The following CAB39 variants were observed in gnomAD, a reference collection of about 807,000 sequenced individuals.
CAB39 encodes calcium binding protein 39, also known as calcium-binding protein 39.
A neutral mutation model predicts 40.0 loss-of-function variants in CAB39; 8 were observed. That is an observed-to-expected ratio of 0.20 (90% CI 0.12 to 0.36). The LOEUF (loss-of-function observed/expected upper bound fraction) is 0.36. CAB39 is among the 10% of genes least tolerant of loss of function. CAB39 has a pLI of 1.00. For missense variants in CAB39, 270 were observed against 401.1 expected (o/e 0.67, Z 2.79); for synonymous variants, 156 against 141.6 (o/e 1.10, Z -0.72).
intron 1 of CAB39, among the ~76,000 whole-genome samples, chr2:230,728,134 C>T (rs184318145): frequency 1.1e-4 from 16 of 151,934 alleles, no homozygotes; most frequent in Non-Finnish European, 2.1e-4. Context: ...AGCTACTCGG[C>T]GGCTGAGACA....
chr2:230,716,590 T>A (rs373909162), intron 1 of CAB39, among the ~76,000 whole-genome samples: 1 of 152,242 alleles, frequency 6.6e-6, no homozygotes. Context: ...TTAAAAGAGA[T>A]GGTGTCTCAT....
chr2:230,760,308 C>G (rs542784173), intron 2 of CAB39, among the ~76,000 whole-genome samples, 193 bp downstream of exon 2: 1 of 152,146 alleles, frequency 6.6e-6, no homozygotes, highest in Non-Finnish European at 1.5e-5. Flanking sequence ...TCTAACTGTT[C>G]TGTCAGGTTT....
intron 7 of CAB39, among the ~76,000 whole-genome samples, chr2:230,817,454 C>T (rs1313382787): frequency 2.6e-5 from 4 of 152,242 alleles, no homozygotes; most frequent in Middle Eastern, 3.4e-3. Flanking sequence ...CACAAATGCA[C>T]GCTTAAAGGG....
intron 1 of CAB39, among the ~76,000 whole-genome samples, chr2:230,715,640 T>G (rs1162791774): frequency 6.6e-6 from 1 of 152,222 alleles, no homozygotes; most frequent in Non-Finnish European, 1.5e-5. Context: ...AGGCTGGATA[T>G]AAGCATAGAA....
intron 1 of CAB39, among the ~76,000 whole-genome samples, chr2:230,739,765 A>G (rs1694845330): frequency 6.6e-6 from 1 of 152,230 alleles, no homozygotes; most frequent in Non-Finnish European, 1.5e-5. Context: ...AAGTGCTGGG[A>G]TTACAGGTAT....
At chr2:230,782,813 C>CTTTTT (rs1212977897) in intron 2 of CAB39, among the ~76,000 whole-genome samples, 48 of 81,750 alleles carry the variant, frequency 5.9e-4, no homozygotes, top group African/African-American at 2.3e-3. Context: ...TTCTTTCTTT[C>CTTTTT]TTTTTTTTTT....
intron 1 of CAB39, among the ~76,000 whole-genome samples, chr2:230,720,979 G>T (rs1694440242): frequency 6.6e-6 from 1 of 152,182 alleles, no homozygotes; most frequent in Non-Finnish European, 1.5e-5. Flanking sequence ...ATGTATGTAA[G>T]TTTCGTGTCT....
intron 1 of CAB39, among the ~76,000 whole-genome samples, chr2:230,748,831 A>AAAAAAAAAAATAT (rs1386799920): frequency 3.5e-5 from 1 of 28,512 alleles, no homozygotes; most frequent in African/African-American, 1.3e-4. Flanking sequence ...AAAAAAAAAA[A>AAAAAAAAAAATAT]ATATATATAT....
rs777268279 is a variant in CAB39, at chr2:230,818,704, A to G, written c.1026A>G (p.Ter342=). The G allele has an allele frequency of 5.0e-6, 8 of 1,611,314 alleles. No homozygotes were observed. Among genetic ancestry groups the G allele is most frequent in the Middle Eastern group, 1.6e-4 (1 of 6,076 alleles). The change falls in exon 9 of 9, where the codon TAA becomes TAG. Residue 342 remains the stop codon, a stop_retained_variant. Transcript: ENST00000258418. ...AGAGACCAGCTCAGCAAGAAGCTTAATCTCCAATAAACATCTATGTTAAAT... is the reference window on the plus strand; with the variant it reads ...AGAGACCAGCTCAGCAAGAAGCTTAGTCTCCAATAAACATCTATGTTAAAT... ...DLKRPAQQEA[*]
At chr2:230,789,005 G>A (rs1695845418) in intron 2 of CAB39, among the ~76,000 whole-genome samples, 1 of 152,074 alleles carries the variant, frequency 6.6e-6, no homozygotes, top group South Asian at 2.1e-4. Context: ...CCTCTTTTGG[G>A]GGCTGCAGTT....
intron 2 of CAB39, among the ~76,000 whole-genome samples, chr2:230,761,949 C>T (rs1179630764): frequency 6.6e-6 from 1 of 151,798 alleles, no homozygotes; most frequent in African/African-American, 2.4e-5. Flanking sequence ...GCTCGGTTAG[C>T]CAGGCTGGAG....
chr2:230,741,994 C>CCCT (rs1694885646), intron 1 of CAB39, among the ~76,000 whole-genome samples: 1 of 152,068 alleles, frequency 6.6e-6, no homozygotes, highest in African/African-American at 2.4e-5. Flanking sequence ...TGAGATGCTA[C>CCCT]TAGAATGGCT....
In CAB39 at chr2:230,759,973, G is replaced by A; in HGVS notation, c.-29G>A. On this transcript the variant is annotated 5_prime_UTR_variant, in exon 2 of 9. The change creates a new upstream start codon in the 5' untranslated region. Transcript: ENST00000258418. ...CTGTGTTCTAGGTAGCACAGGCGGA[G>A]TGCAGCGGAGGCCCCTGCCGCTGCC... 1.6e-6 allele frequency: 2 copies of A among 1,239,662 alleles called. No individual in the cohort carries two copies. The highest frequency in any genetic ancestry group is 2.4e-6 in the Non-Finnish European group (2 of 838,760). The allele number at this position is 1,239,662 out of a possible 1,614,324, so 76.8% of individuals were successfully genotyped here.
At chr2:230,788,640 C>T (rs746214640) in intron 2 of CAB39, among the ~76,000 whole-genome samples, 18 of 152,112 alleles carry the variant, frequency 1.2e-4, no homozygotes, top group Non-Finnish European at 2.1e-4. Flanking sequence ...AACTCTATTC[C>T]GCCTTTGTTT....
chr2:230,743,007 C>G (rs1037385600), intron 1 of CAB39, among the ~76,000 whole-genome samples: 2 of 152,210 alleles, frequency 1.3e-5, no homozygotes, highest in African/African-American at 4.8e-5. Context: ...ATGTGGTATA[C>G]ATAACTGCAC....
At chr2:230,753,044 A>AG (rs1695117650) in intron 1 of CAB39, among the ~76,000 whole-genome samples, 2 of 152,328 alleles carry the variant, frequency 1.3e-5, no homozygotes, top group South Asian at 4.1e-4. Context: ...GTGAGGTGAC[A>AG]GCCAAGAGTG....
intron 2 of CAB39, among the ~76,000 whole-genome samples, chr2:230,782,864 A>G (rs1361353436): frequency 5.4e-5 from 7 of 129,378 alleles, no homozygotes; most frequent in Admixed American, 2.8e-4. Flanking sequence ...TCTGTCGCCC[A>G]GGCTGGAGTG....
At chr2:230,719,169 A>C (rs1441848885) in intron 1 of CAB39, among the ~76,000 whole-genome samples, 2 of 152,222 alleles carry the variant, frequency 1.3e-5, no homozygotes, top group Non-Finnish European at 2.9e-5. Context: ...AAAATTAGTT[A>C]GCTTGGGGGA....
intron 1 of CAB39, among the ~76,000 whole-genome samples, chr2:230,748,545 C>T (rs1695016080): frequency 6.6e-6 from 1 of 151,966 alleles, no homozygotes; most frequent in South Asian, 2.1e-4. Flanking sequence ...GTGGCTCATG[C>T]CTGTAATCCC....
Sources: gnomAD v4.1 joint callset for allele counts (sites outside exome capture counted in the v4.1 genomes callset) on GRCh38, gnomAD v4.1.1 for gene constraint, MANE v1.5 for transcripts, NCBI Gene and HGNC (gene_info 2026-07-23, HGNC 2026-07-21) for gene names.